The following WDR76 variants were observed in gnomAD, a reference collection of about 807,000 sequenced individuals.
The protein encoded by WDR76 is WD repeat-containing protein 76.
In WDR76, 52 loss-of-function variants were observed where a neutral mutation model predicts 70.2. The observed-to-expected ratio is 0.74, with a 90% confidence interval of 0.59 to 0.93. The LOEUF is 0.93. Ranked by LOEUF, WDR76 falls within the 40% of genes least tolerant of loss-of-function variation. The pLI, the probability that WDR76 is intolerant of heterozygous loss-of-function variation, is 0.00. For synonymous variants in WDR76, 292 were observed against 271.1 expected, an observed-to-expected ratio of 1.08 and a Z score of -0.76; for missense variants, 756 against 760.2, an observed-to-expected ratio of 0.99 and a Z score of 0.07.
intron 2 of WDR76, among the ~76,000 whole-genome samples, chr15:43,831,085 G>A (rs1224287808): frequency 6.6e-6 from 1 of 151,504 alleles, no homozygotes; most frequent in Non-Finnish European, 1.5e-5. Context: ...ATAAAAATTA[G>A]CCAGGCGTGG....
rs2088073673 is a variant in WDR76, at chr15:43,866,513, T to G, written c.*121T>G. 8.6e-7 allele frequency: 1 copy of G among 1,160,388 alleles called. No homozygotes were observed. The highest frequency in any genetic ancestry group is 1.2e-6 in the Non-Finnish European group (1 of 819,974). The allele number at this position is 1,160,388 out of a possible 1,614,324, so 71.9% of individuals were successfully genotyped here. ...ACATTTAGCAATTATAACATTGTTT[T>G]ATTAATAAGACTATAAGAAGAGTGT... On this transcript the variant is annotated 3_prime_UTR_variant, in exon 13 of 13. Transcript: ENST00000263795.
intron 8 of WDR76, among the ~76,000 whole-genome samples, chr15:43,847,816 C>G (rs942770652): frequency 6.6e-6 from 1 of 152,156 alleles, no homozygotes; most frequent in African/African-American, 2.4e-5. Flanking sequence ...GCTTCGGCCT[C>G]CCAGAGCTGC....
chr15:43,845,074 G>C, intron 8 of WDR76, among the ~76,000 whole-genome samples: 1 of 144,702 alleles, frequency 6.9e-6, no homozygotes, highest in African/African-American at 2.5e-5. Flanking sequence ...CCATTCTCTT[G>C]CCTCAACCTC....
chr15:43,829,184 G>A (rs547121301), intron 2 of WDR76, among the ~76,000 whole-genome samples: 6 of 152,242 alleles, frequency 3.9e-5, no homozygotes, highest in African/African-American at 1.2e-4. Flanking sequence ...ACAGGGGTGA[G>A]CCACTGCGCC....
intron 8 of WDR76, among the ~76,000 whole-genome samples, chr15:43,847,341 A>G (rs892915320): frequency 1.3e-5 from 2 of 151,600 alleles, no homozygotes; most frequent in African/African-American, 2.4e-5. Flanking sequence ...GCTCACTGCA[A>G]TCTCTGCCTC....
intron 9 of WDR76, among the ~76,000 whole-genome samples, chr15:43,853,769 G>C (rs550926300): frequency 1.2e-3 from 175 of 151,994 alleles, no homozygotes; most frequent in African/African-American, 4.0e-3. Context: ...AGCCAGGCGC[G>C]GTGGCAGGCA....
At chr15:43,832,743 GTTTTTTTTTTTTTTTT>G (rs201304087) in intron 2 of WDR76, among the ~76,000 whole-genome samples, 2 of 68,072 alleles carry the variant, frequency 2.9e-5, no homozygotes, top group Admixed American at 2.5e-4. Context: ...GGCTTGCTTT[GTTTTTTTTTTTTTTTT>G]TTTTTTTTTT....
At chr15:43,863,091 A>G (rs962427335) in intron 12 of WDR76, among the ~76,000 whole-genome samples, 11 of 152,018 alleles carry the variant, frequency 7.2e-5, no homozygotes, top group Non-Finnish European at 2.9e-5. Flanking sequence ...ATGCACCACT[A>G]TGCCCCACTA....
intron 9 of WDR76, among the ~76,000 whole-genome samples, chr15:43,856,584 TTTTTG>T (rs773342458): frequency 9.3e-5 from 14 of 150,368 alleles, no homozygotes; most frequent in Non-Finnish European, 1.5e-4. Flanking sequence ...CTTTGTTTCT[TTTTTG>T]TTTTGTTTTG....
At chr15:43,857,856 C>T (rs1303464764) in intron 10 of WDR76, among the ~76,000 whole-genome samples, 2 of 143,646 alleles carry the variant, frequency 1.4e-5, no homozygotes, top group African/African-American at 5.1e-5. Context: ...TCTTTCTGTA[C>T]ACACTGGATC....
At chr15:43,835,224 G>A in intron 3 of WDR76, 74 bp downstream of exon 3, 1 of 1,399,252 alleles carries the variant, frequency 7.1e-7, no homozygotes, top group South Asian at 1.2e-5. Flanking sequence ...CCTGTCACTT[G>A]GGGAGGCTGA....
chr15:43,833,471 A>G (rs931842622), intron 2 of WDR76, among the ~76,000 whole-genome samples: 18 of 151,190 alleles, frequency 1.2e-4, no homozygotes, highest in African/African-American at 4.4e-4. Flanking sequence ...GGCGCCCACC[A>G]CCATGCCCGG....
intron 4 of WDR76, 150 bp downstream of exon 4, chr15:43,836,366 T>A: frequency 2.0e-6 from 1 of 497,196 alleles, no homozygotes; most frequent in East Asian, 3.5e-5. Context: ...AATGCTACCC[T>A]TTAATAACTT....
Position 43,843,909 on chromosome 15 carries a change from C to A in WDR76, c.887C>A (p.Ala296Asp). The change falls in exon 8 of 13, where the codon GCC (alanine) becomes GAC (aspartate). Residue 296 changes from alanine (A) to aspartate (D), a missense_variant. Coordinates refer to ENST00000263795, the MANE Select transcript of WDR76 (RefSeq NM_024908.4). The stretch of plus-strand genomic sequence containing the variant: ...CTTTGTAATTTTCTTAGCTACAAAG[C>A]CAATTTAAATGGCATGGTCATTAGT... ...KGLSSIKSYK[A>D]NLNGMVISED... 3 of 1,567,578 alleles carry A rather than the reference C, an allele frequency of 1.9e-6. No homozygotes were observed. Among genetic ancestry groups the A allele is most frequent in the South Asian group, 1.2e-5 (1 of 82,248 alleles).
At chr15:43,861,054 C>G (rs768384711) in intron 11 of WDR76, among the ~76,000 whole-genome samples, 1 of 150,572 alleles carries the variant, frequency 6.6e-6, no homozygotes, top group Non-Finnish European at 1.5e-5. Flanking sequence ...CTGAGTAGCT[C>G]GGACTACAGG....
At chr15:43,852,150 G>A (rs2087867091) in intron 9 of WDR76, among the ~76,000 whole-genome samples, 1 of 152,164 alleles carries the variant, frequency 6.6e-6, no homozygotes, top group Non-Finnish European at 1.5e-5. Flanking sequence ...GTATCAGATT[G>A]CCTCAATAAG....
chr15:43,839,632 T>G lies in WDR76; in HGVS notation c.636T>G (p.Ile212Met), dbSNP rs2087698202. Residue 212 changes from isoleucine (I) to methionine (M), a missense_variant, in exon 5 of 13, where the codon ATT becomes ATG. Transcript: ENST00000263795. ...KRKKPKRENG[I>M]GCRRSMRLLK... ...AGAAGCCTAAGAGAGAAAATGGGATTGGATGTAGAAGGTCAATGCGATTAC... is the reference window on the plus strand; with the variant it reads ...AGAAGCCTAAGAGAGAAAATGGGATGGGATGTAGAAGGTCAATGCGATTAC... The G allele has an allele frequency of 9.9e-6, 16 of 1,611,746 alleles. No homozygotes were observed. The East Asian group carries it at 3.6e-4, about 36-fold the overall frequency.
intron 10 of WDR76, 173 bp from the exon 11 acceptor site, chr15:43,858,498 C>T (rs2087958340): frequency 1.5e-6 from 1 of 689,570 alleles, no homozygotes; most frequent in Non-Finnish European, 2.3e-6. Context: ...CACCTGCCTC[C>T]ACCTCCCAAA....
At chr15:43,865,017 C>T (rs571095357) in intron 12 of WDR76, among the ~76,000 whole-genome samples, 18 of 152,058 alleles carry the variant, frequency 1.2e-4, no homozygotes, top group South Asian at 1.0e-3. Context: ...CTCCACCTCC[C>T]GGGTTCAAGC....
Sources: gnomAD v4.1 joint callset for allele counts (sites outside exome capture counted in the v4.1 genomes callset) on GRCh38, gnomAD v4.1.1 for gene constraint, MANE v1.5 for transcripts, NCBI Gene and HGNC (gene_info 2026-07-23, HGNC 2026-07-21) for gene names.